Variants in FBXL17 observed in about 807,000 individuals in gnomAD.
FBXL17 encodes the protein F-box and leucine rich repeat protein 17.
Under a neutral mutation model 66.2 loss-of-function variants are expected in FBXL17, and 22 were observed. The observed-to-expected ratio is 0.33, with a 90% CI of 0.24 to 0.47. The LOEUF is 0.47. Ranked by LOEUF, FBXL17 falls within the 20% of genes least tolerant of loss-of-function variation. FBXL17 has a pLI of 1.00. For missense variants in FBXL17, 878 were observed against 948.2 expected (o/e 0.93, Z 0.97); for synonymous variants, 474 against 400.5 (o/e 1.18, Z -2.19).
At chr5:107,899,316 T>A (rs1749489637) in intron 7 of FBXL17, among the ~76,000 whole-genome samples, 1 of 152,126 alleles carries the variant, frequency 6.6e-6, no homozygotes, top group Admixed American at 6.5e-5. Flanking sequence ...AGCATTCTGA[T>A]CAACAGTAGG....
intron 4 of FBXL17, among the ~76,000 whole-genome samples, chr5:108,294,007 C>T (rs1352915313): frequency 3.7e-5 from 5 of 134,704 alleles, no homozygotes; most frequent in South Asian, 2.4e-4. Context: ...TACCACTGCA[C>T]TCCAGCCTGG....
At chr5:107,961,237 G>GT (rs1296838780) in intron 7 of FBXL17, among the ~76,000 whole-genome samples, 2 of 148,664 alleles carry the variant, frequency 1.3e-5, no homozygotes, top group African/African-American at 2.5e-5. Flanking sequence ...GTTTTGTTTT[G>GT]TTTTTGAGAC....
intron 6 of FBXL17, among the ~76,000 whole-genome samples, chr5:108,161,763 T>C (rs190680209): frequency 6.6e-5 from 10 of 152,242 alleles, no homozygotes; most frequent in Non-Finnish European, 1.3e-4. Context: ...TCCCTGTTAG[T>C]AGTTCCTAAA....
chr5:108,192,446 T>C (rs1753504698), intron 5 of FBXL17, among the ~76,000 whole-genome samples: 1 of 152,212 alleles, frequency 6.6e-6, no homozygotes, highest in African/African-American at 2.4e-5. Context: ...AAGTGACATC[T>C]AATTAATTCA....
rs1230057691 is a variant in FBXL17 at position 108,382,058 on chromosome 5, T to G, written c.-367A>C. Reference sequence around the variant, plus strand: ...AAGGCCGGGTCCCGCTCGGACCATTTTAACTGCGGATCCGCCGCCGGCGCG... The same window carrying G: ...AAGGCCGGGTCCCGCTCGGACCATTGTAACTGCGGATCCGCCGCCGGCGCG... On this transcript the variant is annotated 5_prime_UTR_variant, in exon 1 of 9. Coordinates refer to ENST00000542267, the MANE Select transcript of FBXL17 (RefSeq NM_001163315.3). 28 of 805,814 alleles carry G rather than the reference T, an allele frequency of 3.5e-5. No individual in the cohort carries two copies. Among genetic ancestry groups the G allele is most frequent in the Non-Finnish European group, 4.1e-5 (27 of 650,648 alleles). The allele number at this position is 805,814 out of a possible 1,614,324, so 49.9% of individuals were successfully genotyped here.
chr5:108,188,751 A>G (rs916778442), intron 5 of FBXL17, among the ~76,000 whole-genome samples: 10 of 152,140 alleles, frequency 6.6e-5, no homozygotes, highest in African/African-American at 2.2e-4. Context: ...ATCAATACTA[A>G]GCCCAGGGCT....
intron 7 of FBXL17, among the ~76,000 whole-genome samples, chr5:107,993,045 G>A (rs567881626): frequency 1.6e-4 from 24 of 151,946 alleles, no homozygotes; most frequent in Non-Finnish European, 3.1e-4. Context: ...ACAGGCGCCC[G>A]CCACCACGCC....
intron 4 of FBXL17, among the ~76,000 whole-genome samples, chr5:108,340,644 C>CA (rs1746817852): frequency 6.6e-6 from 1 of 152,056 alleles, no homozygotes. Flanking sequence ...CTAACTAGGT[C>CA]AAAACAATTT....
At chr5:108,183,211 T>C (rs146703796) in intron 6 of FBXL17, among the ~76,000 whole-genome samples, 1,696 of 152,096 alleles carry the variant, frequency 0.011, 44 homozygotes, top group African/African-American at 0.039. Flanking sequence ...CAGCTAATTT[T>C]TGTATTTTTA....
intron 6 of FBXL17, among the ~76,000 whole-genome samples, chr5:108,164,021 C>T (rs192458601): frequency 6.6e-6 from 1 of 152,210 alleles, no homozygotes; most frequent in East Asian, 1.9e-4. Context: ...TGAGCTTTTC[C>T]CTGAGCACCT....
intron 4 of FBXL17, among the ~76,000 whole-genome samples, chr5:108,243,710 A>T (rs1159378489): frequency 6.6e-6 from 1 of 152,220 alleles, no homozygotes. Context: ...ACGGTTAAAG[A>T]CTAAAAAAGA....
chr5:108,025,134 G>A (rs1037492145), intron 6 of FBXL17, among the ~76,000 whole-genome samples: 1 of 152,044 alleles, frequency 6.6e-6, no homozygotes, highest in African/African-American at 2.4e-5. Context: ...TGACTACATC[G>A]CTTGCAATAG....
intron 6 of FBXL17, among the ~76,000 whole-genome samples, chr5:108,173,922 A>T (rs1415665340): frequency 6.6e-6 from 1 of 152,242 alleles, no homozygotes; most frequent in African/African-American, 2.4e-5. Flanking sequence ...TGCCAAAATT[A>T]TAATAGTTAA....
intron 4 of FBXL17, among the ~76,000 whole-genome samples, chr5:108,346,388 T>A (rs1031430780): frequency 1.3e-5 from 2 of 152,082 alleles, no homozygotes; most frequent in Non-Finnish European, 2.9e-5. Flanking sequence ...ATATTTTTAA[T>A]GTACCAAAAT....
chr5:108,227,091 T>C (rs1245694894), intron 4 of FBXL17, among the ~76,000 whole-genome samples: 3 of 152,150 alleles, frequency 2.0e-5, no homozygotes, highest in African/African-American at 7.2e-5. Flanking sequence ...TCCTAATGGT[T>C]CTGTTTCTGT....
At chr5:108,228,556 G>A (rs2150082177) in intron 4 of FBXL17, among the ~76,000 whole-genome samples, 1 of 152,260 alleles carries the variant, frequency 6.6e-6, no homozygotes, top group Middle Eastern at 3.4e-3. Context: ...GGTAAAATAA[G>A]ATAATGCATG....
rs142433171 is a variant in FBXL17, at chr5:108,155,728, C to T, written c.1745+30389G>A. Among the ~76,000 whole-genome samples, 507 of 151,924 alleles carry T rather than the reference C, an allele frequency of 3.3e-3. 2 individuals are homozygous for T. The highest frequency in any genetic ancestry group is 0.012 in the African/African-American group (489 of 41,334). On this transcript the variant is annotated intron_variant, in intron 6 of 8. Coordinates refer to ENST00000542267, the MANE Select transcript of FBXL17 (RefSeq NM_001163315.3). ...TCCATAAACTGATTTTCTGTAAACG[C>T]CTAAAATGCCATCAGAGTTCAGATA...
intron 6 of FBXL17, among the ~76,000 whole-genome samples, chr5:108,110,400 C>T (rs938744785): frequency 1.3e-5 from 2 of 149,036 alleles, no homozygotes; most frequent in East Asian, 2.0e-4. Flanking sequence ...GAAATAATTG[C>T]GGTACATCAC....
At chr5:108,052,061 C>T (rs1458220746) in intron 6 of FBXL17, among the ~76,000 whole-genome samples, 1 of 141,668 alleles carries the variant, frequency 7.1e-6, no homozygotes, top group Non-Finnish European at 1.5e-5. Flanking sequence ...TGCACTGAGC[C>T]GAGATCGTGC....
Sources: allele counts gnomAD v4.1 joint callset (sites outside exome capture counted in the v4.1 genomes callset), GRCh38; gene constraint gnomAD v4.1.1; transcripts MANE v1.5; gene names NCBI Gene and HGNC (gene_info 2026-07-23, HGNC 2026-07-21).